RIMS2: variants seen among roughly 807,000 people sequenced by gnomAD.
The protein encoded by RIMS2 is regulating synaptic membrane exocytosis 2.
A neutral mutation model predicts 174.4 loss-of-function variants in RIMS2; 59 were observed. The ratio of observed to expected loss-of-function variants is 0.34; its 90% CI spans 0.27 to 0.42. The LOEUF (loss-of-function observed/expected upper bound fraction) is 0.42, where lower values mean the gene tolerates loss of function less well. Ranked by LOEUF, RIMS2 falls within the 10% of genes least tolerant of loss-of-function variation. The probability of loss-of-function intolerance (pLI) is 1.00; values close to 1 mark genes in which losing one functional copy is unlikely to be tolerated. For synonymous variants in RIMS2, 606 were observed against 572.5 expected, an observed-to-expected ratio of 1.06 and a Z score of -0.84; for missense variants, 1,620 against 1,666.3, an observed-to-expected ratio of 0.97 and a Z score of 0.48.
intron 1 of RIMS2, among the ~76,000 whole-genome samples, chr8:103,696,325 G>A (rs2097100514): frequency 6.6e-6 from 1 of 151,522 alleles, no homozygotes; most frequent in South Asian, 2.1e-4. Context: ...TTCTCTCTTT[G>A]GATTCTTTTT....
At chr8:103,616,636 A>G (rs938446409) in intron 1 of RIMS2, among the ~76,000 whole-genome samples, 21 of 152,336 alleles carry the variant, frequency 1.4e-4, no homozygotes, top group Middle Eastern at 6.8e-3. Context: ...GTCTAGGCCC[A>G]AAAGCTCCTT....
intron 1 of RIMS2, among the ~76,000 whole-genome samples, chr8:103,570,191 G>A (rs954368240): frequency 3.3e-5 from 5 of 152,120 alleles, no homozygotes; most frequent in Middle Eastern, 3.4e-3. Context: ...GTACTTCTAT[G>A]CTGTTTTGTT....
intron 19 of RIMS2, among the ~76,000 whole-genome samples, chr8:104,071,807 G>A (rs1305178952): frequency 6.6e-6 from 1 of 152,118 alleles, no homozygotes; most frequent in East Asian, 1.9e-4. Context: ...ACTGCTCTAA[G>A]GTGAAGAACT....
At chr8:103,507,732 A>G (rs1310953629) in intron 1 of RIMS2, among the ~76,000 whole-genome samples, 1 of 152,112 alleles carries the variant, frequency 6.6e-6, no homozygotes, top group African/African-American at 2.4e-5. Flanking sequence ...ACATTGTGAT[A>G]GATATCATTT....
rs1366878561 is a variant in RIMS2 at position 103,907,465 on chromosome 8, CTTT to C, written c.1625-2668_1625-2666del. ...AATCATTCAGTATAGTTGATTTCTT[CTTT>C]GTTTTAGGAAACTCTATTTGATTTG... On this transcript the variant is annotated intron_variant, in intron 4 of 23. Coordinates refer to ENST00000504942, the Ensembl canonical transcript of RIMS2. 1.5e-4 allele frequency among the ~76,000 whole-genome samples: 23 copies of C among 152,222 alleles called. No individual in the cohort carries two copies. The East Asian group carries it at 4.2e-3, about 28-fold the overall frequency.
intron 1 of RIMS2, among the ~76,000 whole-genome samples, chr8:103,594,735 T>C (rs528840753): frequency 3.2e-4 from 48 of 151,950 alleles, no homozygotes; most frequent in African/African-American, 7.9e-4. Flanking sequence ...TAAATGTTTC[T>C]AACCTCAAGA....
chr8:103,829,525 C>T (rs2098812879), intron 3 of RIMS2, among the ~76,000 whole-genome samples: 1 of 152,146 alleles, frequency 6.6e-6, no homozygotes, highest in Admixed American at 6.5e-5. Context: ...AAATATACAG[C>T]CATAGAAAGT....
At chr8:103,825,827 G>T (rs1230440675) in intron 3 of RIMS2, among the ~76,000 whole-genome samples, 1 of 152,018 alleles carries the variant, frequency 6.6e-6, no homozygotes, top group Non-Finnish European at 1.5e-5. Flanking sequence ...ACATTTAAAT[G>T]ATACTTATCT....
intron 1 of RIMS2, among the ~76,000 whole-genome samples, chr8:103,567,487 A>G (rs778858995): frequency 1.5e-4 from 23 of 152,218 alleles, no homozygotes; most frequent in Non-Finnish European, 3.1e-4. Flanking sequence ...TTCATGTCGT[A>G]ACATGTATAG....
At chr8:103,507,880 A>C (rs1018408140) in intron 1 of RIMS2, among the ~76,000 whole-genome samples, 1 of 152,124 alleles carries the variant, frequency 6.6e-6, no homozygotes, top group Non-Finnish European at 1.5e-5. Flanking sequence ...GAAATAGTTC[A>C]TGCCCTCCAG....
At chr8:103,740,713 A>G (rs1435918485) in intron 2 of RIMS2, among the ~76,000 whole-genome samples, 4 of 152,200 alleles carry the variant, frequency 2.6e-5, no homozygotes, top group Non-Finnish European at 5.9e-5. Flanking sequence ...TACAAATTCT[A>G]GCAAGTTATC....
At chr8:103,738,914 CTT>C (rs1304051912) in intron 2 of RIMS2, among the ~76,000 whole-genome samples, 1 of 151,950 alleles carries the variant, frequency 6.6e-6, no homozygotes, top group Non-Finnish European at 1.5e-5. Context: ...AATAGGAACA[CTT>C]TTACACTGTT....
intron 1 of RIMS2, among the ~76,000 whole-genome samples, chr8:103,636,803 C>CCCCCCCG (rs1322508776): frequency 8.1e-5 from 6 of 74,200 alleles, no homozygotes; most frequent in Admixed American, 1.4e-4. Context: ...CCCCCCCCCA[C>CCCCCCCG]ACACACACAC....
intron 10 of RIMS2, among the ~76,000 whole-genome samples, chr8:103,926,428 A>G (rs2078791319): frequency 6.6e-6 from 1 of 151,492 alleles, no homozygotes; most frequent in Non-Finnish European, 1.5e-5. Context: ...GACAGCTTAG[A>G]TTTGAAACTG....
chr8:104,236,529 G>T (rs1204212719), intron 19 of RIMS2, among the ~76,000 whole-genome samples: 1 of 151,984 alleles, frequency 6.6e-6, no homozygotes, highest in Non-Finnish European at 1.5e-5. Flanking sequence ...GATTAATATA[G>T]TATTGATAAC....
chr8:104,044,905 G>A (rs1377799581), intron 19 of RIMS2, among the ~76,000 whole-genome samples: 1 of 151,622 alleles, frequency 6.6e-6, no homozygotes, highest in Non-Finnish European at 1.5e-5. Context: ...TAATACAGAC[G>A]ATAAGAAAAC....
At chr8:104,050,071 A>C (rs531869627) in intron 19 of RIMS2, among the ~76,000 whole-genome samples, 2 of 152,334 alleles carry the variant, frequency 1.3e-5, no homozygotes, top group South Asian at 4.1e-4. Flanking sequence ...CCAAATAACC[A>C]GCAAATTTGG....
At chr8:103,520,982 A>G (rs890781115) in intron 1 of RIMS2, among the ~76,000 whole-genome samples, 2 of 152,010 alleles carry the variant, frequency 1.3e-5, no homozygotes, top group Admixed American at 6.6e-5. Context: ...AGTTTCATCC[A>G]TGTCCCTACA....
intron 4 of RIMS2, among the ~76,000 whole-genome samples, chr8:103,903,399 GTATT>G (rs2073651295): frequency 6.6e-6 from 1 of 152,012 alleles, no homozygotes; most frequent in Non-Finnish European, 1.5e-5. Context: ...TAATTTTTAA[GTATT>G]TATTAACCCA....
Sources: gnomAD v4.1 joint callset for allele counts (sites outside exome capture counted in the v4.1 genomes callset) on GRCh38, gnomAD v4.1.1 for gene constraint, MANE v1.5 for transcripts, NCBI Gene and HGNC (gene_info 2026-07-23, HGNC 2026-07-21) for gene names.